The following CPSF1 variants were observed in gnomAD, a reference collection of about 807,000 sequenced individuals.
The protein encoded by CPSF1 is cleavage and polyadenylation specific factor 1.
CPSF1 carries 106 observed loss-of-function variants against 175.8 expected under a neutral mutation model. The ratio of observed to expected loss-of-function variants is 0.60; its 90% CI spans 0.52 to 0.71. The LOEUF (loss-of-function observed/expected upper bound fraction) is 0.71. CPSF1 is among the 30% of genes least tolerant of loss of function. The pLI is 0.00. For missense variants in CPSF1, 1,734 were observed against 2,022.9 expected (o/e 0.86, Z 2.74); for synonymous variants, 1,024 against 858.3 (o/e 1.19, Z -3.37).
At position 144,396,931 on chromosome 8, in the gene CPSF1, T is replaced by TG; in HGVS notation, c.2593-3dup. 6.2e-7 allele frequency: 1 copy of TG among 1,609,484 alleles called. No homozygotes were observed. The highest frequency in any genetic ancestry group is 8.5e-7 in the Non-Finnish European group (1 of 1,177,000). ...AAGCAGCTCTTGGTCCACATGCACC[T>TG]GGCAGGATGAGGGGAGCCATGGGGG... is the stretch of plus-strand genomic sequence containing the variant. On this transcript the variant is annotated splice_polypyrimidine_tract_variant and splice_region_variant and intron_variant, in intron 23 of 37. Coordinates refer to ENST00000616140, the MANE Select transcript of CPSF1 (RefSeq NM_013291.3).
rs1210695786 is a variant in CPSF1 at position 144,399,081 on chromosome 8, CT to C, written c.1468-44del. ...GTGAGGACTATGCCCCCCACCCCCC[CT>C]CACACTCCAGCCCCTGCCCCCAGCC... is the stretch of plus-strand genomic sequence containing the variant. On this transcript the variant is annotated intron_variant, in intron 15 of 37. Coordinates refer to ENST00000616140, the MANE Select transcript of CPSF1 (RefSeq NM_013291.3). The surrounding 1 kb of genome is among the most constrained non-coding windows in gnomAD (Gnocchi z 6.4). 2 of 1,546,002 alleles carry C rather than the reference CT, an allele frequency of 1.3e-6. No individual in the cohort carries two copies. The highest frequency in any genetic ancestry group is 1.2e-5 in the South Asian group (1 of 84,100).
chr8:144,400,819 T>TG lies in CPSF1; in HGVS notation c.540-3dup. The TG allele has an allele frequency of 1.2e-6, 2 of 1,613,304 alleles. No homozygotes were observed. The highest frequency in any genetic ancestry group is 1.7e-6 in the Non-Finnish European group (2 of 1,179,890). On this transcript the variant is annotated splice_polypyrimidine_tract_variant and splice_region_variant and intron_variant, in intron 6 of 37. Coordinates refer to ENST00000616140, the MANE Select transcript of CPSF1 (RefSeq NM_013291.3). ...CTGGGCAGGAAGCTGGACCTCTGCC[T>TG]GGGGGGCCAGGGGCTTCAGCAGGAG...
In CPSF1 at chr8:144,400,706, G is replaced by T; in HGVS notation, c.651C>A (p.Leu217=). Residue 217 remains leucine, a synonymous_variant, in exon 7 of 38, where the codon CTC becomes CTA. Transcript: ENST00000616140. Reference sequence around the variant, plus strand: ...TCTGGTTGGGCTCAAACAGGATGAGGAGGGTAGGCTCGTAGTAGCCATGCA... The same window carrying T: ...TCTGGTTGGGCTCAAACAGGATGAGTAGGGTAGGCTCGTAGTAGCCATGCA... ...QFLHGYYEPT[L]LILFEPNQTW... The T allele has an allele frequency of 6.2e-7, 1 of 1,611,602 alleles. No homozygotes were observed. Among genetic ancestry groups the T allele is most frequent in the South Asian group, 1.1e-5 (1 of 90,572 alleles).
chr8:144,396,144 G>A (rs1051396760), intron 26 of CPSF1: 40 of 611,786 alleles, frequency 6.5e-5, no homozygotes, highest in Non-Finnish European at 1.1e-4. Flanking sequence ...AGGGGCTGCA[G>A]CCCCAGCTCC....
At chr8:144,396,075 GGAGGCCAGGCCCTGC>G (rs1820702854) in intron 26 of CPSF1, 2 of 521,574 alleles carry the variant, frequency 3.8e-6, no homozygotes, top group Non-Finnish European at 6.9e-6. Context: ...TGAGAAGTGT[GGAGGCCAGGCCCTGC>G]GAGGGCTTGC....
At position 144,393,917 on chromosome 8, in the gene CPSF1, C is replaced by G. The variant is rs368508789; in HGVS notation, c.3981G>C (p.Ser1327=). 6.2e-7 allele frequency: 1 copy of G among 1,613,136 alleles called. No individual in the cohort carries two copies. Among genetic ancestry groups the G allele is most frequent in the Non-Finnish European group, 8.5e-7 (1 of 1,179,690 alleles). ...TGATGTGCTTATTCTCCCACACGAC[C>G]GACTTTTTGCTGAGCCCTTCAGTGG... ...RGATEGLSKK[S]VVWENKHITW... Residue 1327 remains serine (S), a synonymous_variant, in exon 35 of 38, where the codon TCG becomes TCC. Transcript: ENST00000616140.
intron 2 of CPSF1, among the ~76,000 whole-genome samples, chr8:144,408,367 G>A (rs1821611784): frequency 6.6e-6 from 1 of 152,308 alleles, no homozygotes; most frequent in South Asian, 2.1e-4. Flanking sequence ...TGGAGAAACT[G>A]CCTCTTGCAA....
At position 144,396,873 on chromosome 8, in the gene CPSF1, G is replaced by A. The variant is rs147671119; in HGVS notation, c.2649C>T (p.Leu883=). The A allele has an allele frequency of 1.5e-5, 24 of 1,613,866 alleles. No individual in the cohort carries two copies. Among genetic ancestry groups the A allele is most frequent in the African/African-American group, 1.3e-4 (10 of 74,906 alleles). ...AGCGGACTTTGAGATTGCCCTGGCCGAGCTGAGAGTCGTGGGGGAAGGCCT... is the reference window on the plus strand; with the variant it reads ...AGCGGACTTTGAGATTGCCCTGGCCAAGCTGAGAGTCGTGGGGGAAGGCCT... ...IYEAFPHDSQ[L]GQGNLKVRFK... The change falls in exon 24 of 38, where the codon CTC becomes CTT. Residue 883 remains leucine (L), a synonymous_variant. Transcript: ENST00000616140.
chr8:144,400,135 G>GGGGGGGGCCCCCCCCCCCCCCC, intron 9 of CPSF1, 31 bp downstream of exon 9: 3 of 895,998 alleles, frequency 3.3e-6, no homozygotes, highest in Non-Finnish European at 4.8e-6. Flanking sequence ...CCGTCCCCGG[G>GGGGGGGGCCCCCCCCCCCCCCC]CCCCCCCCGC....
At chr8:144,396,794 C>G in intron 24 of CPSF1, 46 bp downstream of exon 24, 1 of 1,613,634 alleles carries the variant, frequency 6.2e-7, no homozygotes, top group Admixed American at 1.7e-5. Context: ...AAACCCACAC[C>G]TTGTACCACA....
In CPSF1 at chr8:144,399,230, G is replaced by A. The variant is rs2116860643; in HGVS notation, c.1393-28C>T. ...GCGGCACAGCAAGAGTCAGGGGCCC[G>A]CTGGGGGCGCTGGCTGGGACGGGGG... On this transcript the variant is annotated intron_variant, in intron 14 of 37. Coordinates refer to ENST00000616140, the MANE Select transcript of CPSF1 (RefSeq NM_013291.3). This position sits in a 1 kb window ranked among gnomAD's most constrained non-coding sequence, Gnocchi z 6.4. 1.2e-4 allele frequency: 197 copies of A among 1,611,382 alleles called. 1 individual carries two copies. Among genetic ancestry groups the A allele is most frequent in the Non-Finnish European group, 1.5e-4 (181 of 1,179,504 alleles).
chr8:144,408,648 G>A (rs1234842293), intron 2 of CPSF1, among the ~76,000 whole-genome samples: 2 of 152,228 alleles, frequency 1.3e-5, no homozygotes, highest in African/African-American at 2.4e-5. Flanking sequence ...GCAGGGGCAG[G>A]TGTGTTTATT....
Position 144,399,857 on chromosome 8 carries a change from G to C in CPSF1, c.1043C>G (p.Thr348Ser), listed in dbSNP as rs2116867027. The C allele has an allele frequency of 6.4e-7, 1 of 1,554,352 alleles. No homozygotes were observed. The highest frequency in any genetic ancestry group is 1.4e-5 in the African/African-American group (1 of 73,102). ...ACTGCGCATGCCGTCGGTGATGAGG[G>C]TCAGCACGTAGCTGGGGGCAGGGAG... Reference protein sequence around the residue: ...SLKGGEIYVLTLITDGMRSVR... With the variant: ...SLKGGEIYVLSLITDGMRSVR... Residue 348 changes from threonine to serine, a missense_variant, in exon 11 of 38, where the codon ACC (threonine) becomes AGC (serine). Around this residue, in one of 10 missense-constraint regions of CPSF1, gnomAD observed 162 missense variants for 169.5 expected, o/e 0.96. Coordinates refer to ENST00000616140, the MANE Select transcript of CPSF1 (RefSeq NM_013291.3). The surrounding 1 kb of genome is among the most constrained non-coding windows in gnomAD (Gnocchi z 6.4).
chr8:144,400,017 C>T lies in CPSF1; in HGVS notation c.1006G>A (p.Val336Ile). The T allele has an allele frequency of 6.2e-7, 1 of 1,612,166 alleles. No individual in the cohort carries two copies. Among genetic ancestry groups the T allele is most frequent in the Non-Finnish European group, 8.5e-7 (1 of 1,179,894 alleles). ...ATCTCGCCGCCCTTGAGGGAGATGA[C>T]CATCTTGTCGTAGGAGATGAAGGTG... ...QATFISYDKMVISLKGGEIYV... is the reference protein window; with the variant it reads ...QATFISYDKMIISLKGGEIYV... Residue 336 changes from valine (V) to isoleucine (I), a missense_variant, in exon 10 of 38, where the codon GTC becomes ATC. Coordinates refer to ENST00000616140, the MANE Select transcript of CPSF1 (RefSeq NM_013291.3).
chr8:144,400,131 CCG>C, intron 9 of CPSF1, 33 bp downstream of exon 9: 2 of 1,131,424 alleles, frequency 1.8e-6, no homozygotes, highest in African/African-American at 2.4e-5. Context: ...CAAGCCGTCC[CCG>C]GGCCCCCCCC....
chr8:144,400,146 C>CCCCAG lies in CPSF1; in HGVS notation c.937+19_937+20insCTGGG. 7.2e-7 allele frequency: 1 copy of CCCCAG among 1,387,300 alleles called. No homozygotes were observed. The allele number at this position is 1,387,300 out of a possible 1,614,324, so 85.9% of individuals were successfully genotyped here. ...CAAGCCGTCCCCGGGCCCCCCCCGC[C>CCCCAG]CCAGCCACCCCACACTCACGAAGCG... On this transcript the variant is annotated intron_variant, in intron 9 of 37. Coordinates refer to ENST00000616140, the MANE Select transcript of CPSF1 (RefSeq NM_013291.3).
In CPSF1 at chr8:144,398,312, C is replaced by G. The variant is rs2116848895; in HGVS notation, c.1884G>C (p.Leu628=). The G allele has an allele frequency of 6.2e-7, 1 of 1,611,322 alleles. No homozygotes were observed. The highest frequency in any genetic ancestry group is 8.5e-7 in the Non-Finnish European group (1 of 1,178,972). ...IVQVSPLGIR[L]LEGVNQLHFI... ...ACCCCCCCCACCTACCTCCTTCCAG[C>G]AGGCGGATGCCCAGTGGTGACACTT... Residue 628 remains leucine, a synonymous_variant, in exon 19 of 38, where the codon CTG becomes CTC. Coordinates refer to ENST00000616140, the MANE Select transcript of CPSF1 (RefSeq NM_013291.3).
Position 144,398,781 on chromosome 8 carries a change from C to A in CPSF1, c.1636G>T (p.Glu546Ter). 6.3e-7 allele frequency: 1 copy of A among 1,597,004 alleles called. No homozygotes were observed. The highest frequency in any genetic ancestry group is 8.6e-7 in the Non-Finnish European group (1 of 1,169,002). The change falls in exon 17 of 38, where the codon GAG becomes TAG. Residue 546 changes from glutamate to a stop codon, truncating the protein, a stop_gained and splice_region_variant. Transcript: ENST00000616140. LOFTEE classifies it high-confidence loss of function. ...WTVIAPVRKE[E>*]EDNPKGEGTE... The stretch of plus-strand genomic sequence containing the variant: ...CCCTGCAGCAGGCTCGCACCTACCT[C>A]CTCCTTACGCACCGGGGCGATGACT...
In CPSF1 at chr8:144,396,423, G is replaced by A. The variant is rs538790626; in HGVS notation, c.2904C>T (p.Ile968=). Residue 968 remains isoleucine (I), a synonymous_variant, in exon 26 of 38, where the codon ATC becomes ATT. Transcript: ENST00000616140. Reference sequence around the variant, plus strand: ...GAGCGAAAGAGTCGACCGGGCCGTCGATGGCCATGGGGTGTAGCCGCAGAG... The same window carrying A: ...GAGCGAAAGAGTCGACCGGGCCGTCAATGGCCATGGGGTGTAGCCGCAGAG... The part of the protein sequence containing the change: ...RGALRLHPMA[I]DGPVDSFAPF... The A allele has an allele frequency of 6.2e-5, 99 of 1,593,678 alleles. No individual in the cohort carries two copies. The highest frequency in any genetic ancestry group is 1.1e-4 in the Admixed American group (6 of 55,354).
Sources: allele counts gnomAD v4.1 joint callset (sites outside exome capture counted in the v4.1 genomes callset), GRCh38; gene constraint gnomAD v4.1.1; regional missense constraint gnomAD v4.1.1; non-coding constraint Gnocchi (gnomAD v3.1); transcripts MANE v1.5; gene names NCBI Gene and HGNC (gene_info 2026-07-23, HGNC 2026-07-21).